The following RABGEF1 variants were observed in gnomAD, a reference collection of about 807,000 sequenced individuals.
RABGEF1 encodes the protein RAB guanine nucleotide exchange factor 1, also known as rab5 GDP/GTP exchange factor.
A neutral mutation model predicts 57.3 loss-of-function variants in RABGEF1; 26 were observed. The ratio of observed to expected loss-of-function variants is 0.45; its 90% confidence interval spans 0.33 to 0.63. The LOEUF (loss-of-function observed/expected upper bound fraction) is 0.63. Ranked by LOEUF, RABGEF1 falls within the 20% of genes least tolerant of loss-of-function variation. The pLI, the probability that RABGEF1 is intolerant of heterozygous loss-of-function variation, is 0.02. For synonymous variants in RABGEF1, 185 were observed against 210.7 expected, an observed-to-expected ratio of 0.88 and a Z score of 1.06; for missense variants, 464 against 607.6, an observed-to-expected ratio of 0.76 and a Z score of 2.48.
At chr7:66,699,289 C>G (rs546015850) in intron 1 of RABGEF1, among the ~76,000 whole-genome samples, 1 of 152,328 alleles carries the variant, frequency 6.6e-6, no homozygotes, top group South Asian at 2.1e-4. Context: ...CTCTGTTCCC[C>G]TAGACCGGGA....
chr7:66,767,165 G>A (rs1029314730), intron 1 of RABGEF1, among the ~76,000 whole-genome samples: 11 of 151,872 alleles, frequency 7.2e-5, no homozygotes, highest in Non-Finnish European at 1.5e-4. Context: ...ACCATGCTCA[G>A]CTAATTTTTG....
chr7:66,670,839 C>G, the RABGEF1 span, among the ~76,000 whole-genome samples: 1 of 151,566 alleles, frequency 6.6e-6, no homozygotes, highest in South Asian at 2.1e-4. Context: ...GAGCAAGATT[C>G]CGTCTCAAAA....
At chr7:66,778,992 G>A (rs1464921180) in intron 3 of RABGEF1, among the ~76,000 whole-genome samples, 2 of 152,090 alleles carry the variant, frequency 1.3e-5, no homozygotes, top group East Asian at 3.9e-4. Context: ...GTGTGCGCCT[G>A]TAATCCCAGC....
At chr7:66,675,500 T>C in the RABGEF1 span, among the ~76,000 whole-genome samples, 2 of 152,102 alleles carry the variant, frequency 1.3e-5, no homozygotes, top group South Asian at 4.2e-4. Context: ...GGTGAAAGAC[T>C]GGAAGCTTTT....
chr7:66,756,724 T>C (rs529014319), intron 1 of RABGEF1, among the ~76,000 whole-genome samples: 1 of 152,328 alleles, frequency 6.6e-6, no homozygotes, highest in South Asian at 2.1e-4. Flanking sequence ...AGAACTTTCA[T>C]GAATACTTCA....
At chr7:66,783,978 A>C in intron 4 of RABGEF1, 137 bp downstream of exon 4, 1 of 853,264 alleles carries the variant, frequency 1.2e-6, no homozygotes, top group Non-Finnish European at 1.7e-6. Context: ...ACCTAAGAAA[A>C]GCCTCTGAAT....
intron 2 of RABGEF1, 42 bp from the exon 3 acceptor site, chr7:66,775,185 T>C (rs1291857916): frequency 6.4e-7 from 1 of 1,565,366 alleles, no homozygotes. Flanking sequence ...AGAGAAACCT[T>C]GGAGAATATC....
chr7:66,761,822 A>G lies in RABGEF1; in HGVS notation c.-17-10061A>G, dbSNP rs1279350599. Among the ~76,000 whole-genome samples, 4 of 152,240 alleles carry G rather than the reference A, an allele frequency of 2.6e-5. No homozygotes were observed. In the East Asian group the frequency reaches 7.7e-4, roughly 29 times the overall value. On this transcript the variant is annotated intron_variant, in intron 1 of 8. Transcript: ENST00000284957. Reference sequence around the variant, plus strand: ...ATCCCGCACTTTGGGAGTTTGAGGTAGGCAGGTCACTTGACGTCAGGAGTT... The same window carrying G: ...ATCCCGCACTTTGGGAGTTTGAGGTGGGCAGGTCACTTGACGTCAGGAGTT...
At chr7:66,767,302 C>T (rs577872523) in intron 1 of RABGEF1, among the ~76,000 whole-genome samples, 4 of 151,766 alleles carry the variant, frequency 2.6e-5, no homozygotes, top group African/African-American at 4.8e-5. Context: ...TGTGCCCAGC[C>T]GAGGTTTTTT....
chr7:66,733,497 A>G (rs2659894), intron 2 of RABGEF1, among the ~76,000 whole-genome samples: 57,664 of 151,630 alleles, frequency 0.38, 11,434 homozygotes, highest in Middle Eastern at 0.57. Context: ...AGGAGTTCAA[A>G]ACCAGACTGG....
intron 8 of RABGEF1, among the ~76,000 whole-genome samples, chr7:66,806,318 C>A (rs1788427380): frequency 6.6e-6 from 1 of 152,112 alleles, no homozygotes; most frequent in Non-Finnish European, 1.5e-5. Context: ...CACATTTATA[C>A]CTACTTTTGT....
intron 2 of RABGEF1, among the ~76,000 whole-genome samples, chr7:66,719,420 G>C (rs1261634389): frequency 1.3e-5 from 2 of 152,146 alleles, no homozygotes; most frequent in Admixed American, 1.3e-4. Context: ...GCCTAGGCTA[G>C]TTTCAAACTC....
chr7:66,696,305 C>G (rs1792322821), intron 1 of RABGEF1, among the ~76,000 whole-genome samples: 1 of 152,030 alleles, frequency 6.6e-6, no homozygotes, highest in African/African-American at 2.4e-5. Context: ...CTCAAGCAAT[C>G]TGCCTGCTTC....
At chr7:66,658,550 A>G in the RABGEF1 span, among the ~76,000 whole-genome samples, 2 of 151,756 alleles carry the variant, frequency 1.3e-5, no homozygotes. Flanking sequence ...AAAAAAAAAA[A>G]AGAAAAAGAA....
intron 1 of RABGEF1, among the ~76,000 whole-genome samples, chr7:66,741,690 CTTTGT>C (rs1227745060): frequency 3.9e-5 from 6 of 152,116 alleles, no homozygotes; most frequent in African/African-American, 1.4e-4. Context: ...CCTAGAACTG[CTTTGT>C]TTTTATTTAT....
intron 1 of RABGEF1, among the ~76,000 whole-genome samples, chr7:66,770,071 A>G (rs1160658377): frequency 6.6e-6 from 1 of 152,106 alleles, no homozygotes; most frequent in Non-Finnish European, 1.5e-5. Flanking sequence ...GTTTCCTAAC[A>G]CTTTCTCTTT....
intron 1 of RABGEF1, among the ~76,000 whole-genome samples, chr7:66,765,215 A>C (rs1211816599): frequency 6.6e-6 from 1 of 151,354 alleles, no homozygotes; most frequent in African/African-American, 2.4e-5. Context: ...AATATTACAT[A>C]GTTTGCCTAA....
chr7:66,775,988 G>T (rs534752711), intron 3 of RABGEF1, among the ~76,000 whole-genome samples: 44 of 152,326 alleles, frequency 2.9e-4, no homozygotes, highest in Admixed American at 1.6e-3. Flanking sequence ...CATATAACCA[G>T]CAAGAGGATT....
chr7:66,727,788 T>C (rs185081904), intron 2 of RABGEF1, among the ~76,000 whole-genome samples: 44 of 152,280 alleles, frequency 2.9e-4, no homozygotes, highest in Admixed American at 5.2e-4. Flanking sequence ...AGGCATCGAT[T>C]ATGGAGGGCC....
Sources: gnomAD v4.1 joint callset for allele counts (sites outside exome capture counted in the v4.1 genomes callset) on GRCh38, gnomAD v4.1.1 for gene constraint, MANE v1.5 for transcripts, NCBI Gene and HGNC (gene_info 2026-07-23, HGNC 2026-07-21) for gene names.